Variants in PIK3R3 observed in about 807,000 individuals in gnomAD.
PIK3R3 encodes the protein phosphatidylinositol 3-kinase regulatory subunit gamma.
A neutral mutation model predicts 62.9 loss-of-function variants in PIK3R3; 64 were observed. The observed-to-expected ratio is 1.02, with a 90% confidence interval of 0.83 to 1.25. The LOEUF is 1.25. Ranked by LOEUF, PIK3R3 falls within the 50% of genes most tolerant of loss-of-function variation. The pLI is 0.00. For missense variants in PIK3R3, 614 were observed against 561.6 expected (o/e 1.09, Z -0.94); for synonymous variants, 165 against 189.0 (o/e 0.87, Z 1.04).
the PIK3R3 span, among the ~76,000 whole-genome samples, chr1:46,143,719 G>T: frequency 6.6e-6 from 1 of 152,114 alleles, no homozygotes; most frequent in Non-Finnish European, 1.5e-5. Flanking sequence ...CTGGACTCAA[G>T]CAATCCTCCC....
chr1:46,112,659 A>T lies in PIK3R3; in HGVS notation c.106+19188T>A, dbSNP rs548029543. Among the ~76,000 whole-genome samples the T allele has an allele frequency of 1.1e-4, 17 of 152,318 alleles. No homozygotes were observed. The East Asian group carries it at 3.3e-3, about 29-fold the overall frequency. Reference sequence around the variant, plus strand: ...ACTTTAGCAACTAAAACCTGGAAGCATTCCATTCTCACTGTGATCTCTCCC... The same window carrying T: ...ACTTTAGCAACTAAAACCTGGAAGCTTTCCATTCTCACTGTGATCTCTCCC... On this transcript the variant is annotated intron_variant, in intron 1 of 9. Coordinates refer to ENST00000262741, the MANE Select transcript of PIK3R3 (RefSeq NM_003629.4).
intron 1 of PIK3R3, among the ~76,000 whole-genome samples, chr1:46,124,311 A>G (rs978576803): frequency 6.6e-6 from 1 of 152,204 alleles, no homozygotes; most frequent in Non-Finnish European, 1.5e-5. Context: ...AAGCAAAGCT[A>G]GTTTTGTAAT....
the PIK3R3 span, among the ~76,000 whole-genome samples, chr1:46,145,055 G>A: frequency 2.2e-3 from 337 of 151,274 alleles, 4 homozygotes; most frequent in African/African-American, 7.7e-3. Context: ...CCCAGAAGGC[G>A]GAGGTTGTAG....
the PIK3R3 span, among the ~76,000 whole-genome samples, chr1:46,145,633 A>G: frequency 6.6e-6 from 1 of 152,062 alleles, no homozygotes; most frequent in Non-Finnish European, 1.5e-5. Context: ...TATATTTGTG[A>G]CCCATCCTCC....
At chr1:46,147,510 C>G in the PIK3R3 span, among the ~76,000 whole-genome samples, 1 of 151,990 alleles carries the variant, frequency 6.6e-6, no homozygotes, top group Non-Finnish European at 1.5e-5. Context: ...CTCTGCCTCC[C>G]GAGTGCACGC....
At chr1:46,046,778 G>A (rs879360485) in intron 7 of PIK3R3, 153 bp from the exon 8 acceptor site, 53 of 589,644 alleles carry the variant, frequency 9.0e-5, no homozygotes, top group Non-Finnish European at 7.8e-5. Flanking sequence ...TTAGTCTCTC[G>A]ATTACTTTTC....
the PIK3R3 span, among the ~76,000 whole-genome samples, chr1:46,164,593 C>T: frequency 6.6e-6 from 1 of 152,184 alleles, no homozygotes; most frequent in Non-Finnish European, 1.5e-5. Context: ...TGCGCCATTG[C>T]ACTACAGCCT....
chr1:46,080,705 T>C lies in PIK3R3; in HGVS notation c.152A>G (p.Asn51Ser), dbSNP rs558585498. The C allele has an allele frequency of 4.3e-5, 69 of 1,613,956 alleles. No homozygotes were observed. The East Asian group carries it at 1.4e-3, about 34-fold the overall frequency. Reference protein sequence around the residue: ...PPKPMTSAVPNGMKDSSVSLQ... With the variant: ...PPKPMTSAVPSGMKDSSVSLQ... ...AGAAACAGAACTGTCCTTCATTCCA[T>C]TTGGAACTGCTGAAGTCATTGGCTT... is the stretch of plus-strand genomic sequence containing the variant. Residue 51 changes from asparagine to serine, a missense_variant, in exon 2 of 10, where the codon AAT becomes AGT. Asn to Ser is a conservative substitution (Grantham distance 46, BLOSUM62 1). Transcript: ENST00000262741.
chr1:46,146,307 C>T, the PIK3R3 span, among the ~76,000 whole-genome samples: 1 of 152,164 alleles, frequency 6.6e-6, no homozygotes, highest in African/African-American at 2.4e-5. Flanking sequence ...TTTTCATGGG[C>T]TGTGCTATCA....
At chr1:46,165,627 A>G in the PIK3R3 span, among the ~76,000 whole-genome samples, 1 of 151,200 alleles carries the variant, frequency 6.6e-6, no homozygotes, top group African/African-American at 2.4e-5. Flanking sequence ...TACTTTACAG[A>G]TAAGAAAACT....
In PIK3R3 at chr1:46,046,028, A is replaced by C. The variant is rs1647107155; in HGVS notation, c.1077T>G (p.Phe359Leu). ...NLPHYDEKTW[F>L]VEDINRVQAE... ...CTTGTACTCGATTGATATCCTCAAC[A>C]AACCAGGTTTTCTCATCATAATGGG... The change falls in exon 9 of 10, where the codon TTT (phenylalanine) becomes TTG (leucine). Residue 359 changes from phenylalanine to leucine, a missense_variant. Physicochemically the swap from Phe to Leu is conservative, Grantham distance 22. Transcript: ENST00000262741. The C allele has an allele frequency of 6.2e-7, 1 of 1,612,458 alleles. No individual in the cohort carries two copies. The highest frequency in any genetic ancestry group is 1.1e-5 in the South Asian group (1 of 91,024).
chr1:46,046,476 T>G (rs1191383477), intron 8 of PIK3R3, 75 bp downstream of exon 8: 5 of 955,262 alleles, frequency 5.2e-6, no homozygotes, highest in African/African-American at 1.6e-5. Context: ...AACCAATATT[T>G]ACCACGTATA....
the PIK3R3 span, among the ~76,000 whole-genome samples, chr1:46,162,091 C>CAAAAAAAA: frequency 3.4e-5 from 2 of 58,130 alleles, no homozygotes; most frequent in East Asian, 8.7e-4. Context: ...GACTCCGTCT[C>CAAAAAAAA]AAAAAAAAAA....
the PIK3R3 span, among the ~76,000 whole-genome samples, chr1:46,142,231 T>G: frequency 6.6e-6 from 1 of 152,152 alleles, no homozygotes; most frequent in East Asian, 1.9e-4. Flanking sequence ...TCCTACCCCC[T>G]CTCCTGTCTA....
the PIK3R3 span, among the ~76,000 whole-genome samples, chr1:46,145,054 C>T: frequency 2.7e-5 from 4 of 147,824 alleles, no homozygotes; most frequent in South Asian, 2.2e-4. Context: ...ACCCAGAAGG[C>T]GGAGGTTGTA....
intron 1 of PIK3R3, among the ~76,000 whole-genome samples, chr1:46,103,947 ATGGAGTCTCACTCT>A (rs1652951807): frequency 1.3e-5 from 2 of 150,674 alleles, no homozygotes; most frequent in African/African-American, 4.9e-5. Flanking sequence ...TTTTTTTGAG[ATGGAGTCTCACTCT>A]TTTGCCCAAG....
intron 1 of PIK3R3, among the ~76,000 whole-genome samples, chr1:46,111,395 T>C (rs1039015615): frequency 2.6e-5 from 4 of 151,942 alleles, no homozygotes; most frequent in African/African-American, 9.7e-5. Flanking sequence ...CGCTGCCTTC[T>C]TACCTCTGGG....
At chr1:46,094,096 C>T (rs1031409621) in intron 1 of PIK3R3, among the ~76,000 whole-genome samples, 2 of 148,976 alleles carry the variant, frequency 1.3e-5, no homozygotes, top group African/African-American at 4.9e-5. Context: ...CGAAGATGAA[C>T]GATGTTATCA....
chr1:46,150,186 C>T, the PIK3R3 span, among the ~76,000 whole-genome samples: 1 of 152,162 alleles, frequency 6.6e-6, no homozygotes, highest in African/African-American at 2.4e-5. Flanking sequence ...CAAAATCCCC[C>T]GTCTATGTCC....
Sources: allele counts gnomAD v4.1 joint callset (sites outside exome capture counted in the v4.1 genomes callset), GRCh38; gene constraint gnomAD v4.1.1; transcripts MANE v1.5; gene names NCBI Gene and HGNC (gene_info 2026-07-23, HGNC 2026-07-21).